AFG2A: variants seen among roughly 807,000 people sequenced by gnomAD.
AFG2A encodes the protein AAA ATPase AFG2A, also known as ATPase family gene 2 protein homolog A.
the AFG2A span, among the ~76,000 whole-genome samples, chr4:122,943,219 A>G: frequency 4.6e-5 from 7 of 152,136 alleles, no homozygotes; most frequent in East Asian, 1.9e-4. Flanking sequence ...TGATCTGTCT[A>G]ATGTTGACAG....
chr4:123,298,132 C>T, the AFG2A span, among the ~76,000 whole-genome samples: 4 of 151,538 alleles, frequency 2.6e-5, no homozygotes, highest in African/African-American at 9.7e-5. Context: ...CACACACACA[C>T]TTGATTTGGT....
the AFG2A span, among the ~76,000 whole-genome samples, chr4:123,183,867 C>T: frequency 6.6e-6 from 1 of 152,210 alleles, no homozygotes; most frequent in Non-Finnish European, 1.5e-5. Flanking sequence ...TCAAGCCATC[C>T]TCCCACCCCA....
the AFG2A span, among the ~76,000 whole-genome samples, chr4:123,226,496 A>G: frequency 5.7e-3 from 863 of 152,276 alleles, 2 homozygotes; most frequent in Middle Eastern, 0.014. Flanking sequence ...GGTTCTGTTT[A>G]TATGCTGGAT....
chr4:123,097,007 C>CA, the AFG2A span, among the ~76,000 whole-genome samples: 4 of 151,910 alleles, frequency 2.6e-5, no homozygotes, highest in African/African-American at 9.7e-5. Flanking sequence ...GCTGTTTTGC[C>CA]AGGCTGAAGT....
the AFG2A span, among the ~76,000 whole-genome samples, chr4:123,015,408 A>T: frequency 6.6e-6 from 1 of 152,050 alleles, no homozygotes; most frequent in East Asian, 1.9e-4. Flanking sequence ...GCTGCCTTCA[A>T]GCATCTGTTT....
chr4:123,013,789 T>C, the AFG2A span, among the ~76,000 whole-genome samples: 1 of 152,202 alleles, frequency 6.6e-6, no homozygotes, highest in South Asian at 2.1e-4. Context: ...TAATACAAGA[T>C]AAATATATGT....
At chr4:123,289,027 T>A in the AFG2A span, among the ~76,000 whole-genome samples, 1 of 152,174 alleles carries the variant, frequency 6.6e-6, no homozygotes, top group Non-Finnish European at 1.5e-5. Flanking sequence ...ATTTATTTAT[T>A]TCAGTAGCTT....
chr4:123,029,942 G>A, the AFG2A span, among the ~76,000 whole-genome samples: 3 of 152,170 alleles, frequency 2.0e-5, no homozygotes, highest in Non-Finnish European at 2.9e-5. Context: ...CACAGCAAAG[G>A]TTGCGGTTTT....
At chr4:123,082,185 T>C in the AFG2A span, among the ~76,000 whole-genome samples, 1 of 152,190 alleles carries the variant, frequency 6.6e-6, no homozygotes, top group Non-Finnish European at 1.5e-5. Flanking sequence ...ATTGCCATTG[T>C]ACCTAAATAG....
chr4:122,947,892 A>G, the AFG2A span, among the ~76,000 whole-genome samples: 2 of 152,214 alleles, frequency 1.3e-5, no homozygotes, highest in African/African-American at 2.4e-5. Context: ...CTTGAACTGC[A>G]TGGGTCCACT....
chr4:122,923,368 A>C, the AFG2A span: 9 of 1,599,388 alleles, frequency 5.6e-6, no homozygotes, highest in Admixed American at 1.7e-5. Context: ...CGGGAGACTC[A>C]GTGATACTGA....
chr4:123,293,458 T>C, the AFG2A span, among the ~76,000 whole-genome samples: 2 of 151,982 alleles, frequency 1.3e-5, no homozygotes, highest in African/African-American at 2.4e-5. Flanking sequence ...CCCCTAGGAG[T>C]GACAGTCCCT....
At chr4:122,951,459 C>CACACACAT in the AFG2A span, among the ~76,000 whole-genome samples, 1 of 150,356 alleles carries the variant, frequency 6.7e-6, no homozygotes, top group Non-Finnish European at 1.5e-5. Flanking sequence ...CACACACACA[C>CACACACAT]GCACGCACAC....
At chr4:122,971,049 A>T in the AFG2A span, among the ~76,000 whole-genome samples, 22 of 152,168 alleles carry the variant, frequency 1.4e-4, no homozygotes, top group Admixed American at 1.4e-3. Context: ...TGGCCTCCCA[A>T]TAGAAAAAGT....
the AFG2A span, among the ~76,000 whole-genome samples, chr4:123,176,236 T>A: frequency 1.3e-5 from 2 of 152,182 alleles, no homozygotes; most frequent in African/African-American, 4.8e-5. Context: ...GCAGCGGTCT[T>A]GTTTTTGTCT....
the AFG2A span, among the ~76,000 whole-genome samples, chr4:122,983,784 C>T: frequency 6.6e-6 from 1 of 152,154 alleles, no homozygotes; most frequent in African/African-American, 2.4e-5. Flanking sequence ...TTGAGAGCCC[C>T]ATAGATGGTT....
At chr4:123,156,638 G>C in the AFG2A span, among the ~76,000 whole-genome samples, 1 of 151,748 alleles carries the variant, frequency 6.6e-6, no homozygotes, top group Admixed American at 6.6e-5. Flanking sequence ...ACATATGTCT[G>C]AGTATTATTT....
At chr4:123,047,397 A>ATT in the AFG2A span, among the ~76,000 whole-genome samples, 606 of 151,954 alleles carry the variant, frequency 4.0e-3, 2 homozygotes, top group African/African-American at 0.013. Flanking sequence ...TCTTTTGCGC[A>ATT]TTTTTTTATT....
At chr4:122,958,258 C>T in the AFG2A span, among the ~76,000 whole-genome samples, 1 of 152,170 alleles carries the variant, frequency 6.6e-6, no homozygotes, top group Admixed American at 6.5e-5. Context: ...GACAGATTTC[C>T]AAGCTTTGGC....
Sources: allele counts gnomAD v4.1 joint callset (sites outside exome capture counted in the v4.1 genomes callset), GRCh38; gene constraint gnomAD v4.1.1; transcripts MANE v1.5; gene names NCBI Gene and HGNC (gene_info 2026-07-23, HGNC 2026-07-21).